LOC128462377: variants seen among roughly 807,000 people sequenced by gnomAD.
chr16:89,394,006 C>G, the LOC128462377 span, among the ~76,000 whole-genome samples: 1 of 152,170 alleles, frequency 6.6e-6, no homozygotes, highest in Admixed American at 6.5e-5. Flanking sequence ...AGTGGGTTCC[C>G]AGACCCCAGT....
the LOC128462377 span, among the ~76,000 whole-genome samples, chr16:89,361,292 T>C: frequency 6.6e-6 from 1 of 152,206 alleles, no homozygotes; most frequent in African/African-American, 2.4e-5. Context: ...CAGGCCTTCC[T>C]TGGCCTCAGC....
At chr16:89,375,319 T>C in the LOC128462377 span, among the ~76,000 whole-genome samples, 3 of 152,206 alleles carry the variant, frequency 2.0e-5, no homozygotes, top group African/African-American at 7.2e-5. Context: ...CTAGTTGCGG[T>C]AGCATGGGCC....
chr16:89,330,060 C>G, the LOC128462377 span, among the ~76,000 whole-genome samples: 1 of 151,060 alleles, frequency 6.6e-6, no homozygotes, highest in Non-Finnish European at 1.5e-5. Context: ...TTTATGTATT[C>G]ACATTAAATA....
At chr16:89,343,244 C>G in the LOC128462377 span, among the ~76,000 whole-genome samples, 1 of 152,190 alleles carries the variant, frequency 6.6e-6, no homozygotes, top group Non-Finnish European at 1.5e-5. Context: ...CCACCCAGCT[C>G]GGCCTCCCGA....
At chr16:89,319,405 C>T in the LOC128462377 span, among the ~76,000 whole-genome samples, 1 of 152,256 alleles carries the variant, frequency 6.6e-6, no homozygotes, top group Non-Finnish European at 1.5e-5. Context: ...AGGCAAAATA[C>T]TTTTCACGGC....
the LOC128462377 span, among the ~76,000 whole-genome samples, chr16:89,356,755 T>C: frequency 7.8e-6 from 1 of 128,912 alleles, no homozygotes; most frequent in African/African-American, 3.0e-5. Context: ...CACTCTAGCC[T>C]GGGCGACACA....
the LOC128462377 span, among the ~76,000 whole-genome samples, chr16:89,346,758 T>C: frequency 6.6e-6 from 1 of 152,238 alleles, no homozygotes; most frequent in Non-Finnish European, 1.5e-5. Flanking sequence ...AATGTATTTA[T>C]ATTTATCGCT....
At chr16:89,354,708 CACGTCTCTACTAAAAATACAGAAATTA>C in the LOC128462377 span, among the ~76,000 whole-genome samples, 1 of 152,160 alleles carries the variant, frequency 6.6e-6, no homozygotes, top group Non-Finnish European at 1.5e-5. Context: ...ACGGTGAAAC[CACGTCTCTACTAAAAATACAGAAATTA>C]GCCGGGCATG....
At chr16:89,376,676 C>T in the LOC128462377 span, among the ~76,000 whole-genome samples, 2 of 152,134 alleles carry the variant, frequency 1.3e-5, no homozygotes, top group African/African-American at 4.8e-5. Flanking sequence ...TGACCTCAAG[C>T]GATCCACCCA....
At chr16:89,408,089 CAT>C in the LOC128462377 span, among the ~76,000 whole-genome samples, 1 of 152,192 alleles carries the variant, frequency 6.6e-6, no homozygotes, top group Admixed American at 6.5e-5. Context: ...AGCCACTGCA[CAT>C]GTGTGACCAC....
the LOC128462377 span, among the ~76,000 whole-genome samples, chr16:89,401,888 ACCAGAGACTCCCCCAT>A: frequency 6.7e-6 from 1 of 150,152 alleles, no homozygotes; most frequent in East Asian, 2.0e-4. Context: ...CGCCGGGCAC[ACCAGAGACTCCCCCAT>A]CCCCCAGAAC....
the LOC128462377 span, among the ~76,000 whole-genome samples, chr16:89,369,336 A>G: frequency 1.3e-5 from 2 of 152,222 alleles, no homozygotes; most frequent in African/African-American, 4.8e-5. Context: ...AGGGCCAAAC[A>G]GAGACCATTC....
chr16:89,370,963 G>A, the LOC128462377 span, among the ~76,000 whole-genome samples: 1 of 152,122 alleles, frequency 6.6e-6, no homozygotes, highest in South Asian at 2.1e-4. Context: ...CGGACACCAC[G>A]AGACAACCCT....
chr16:89,323,317 C>A, the LOC128462377 span: 1 of 1,288,990 alleles, frequency 7.8e-7, no homozygotes. Context: ...TGACCCACAG[C>A]ACTGTGGCAA....
the LOC128462377 span, among the ~76,000 whole-genome samples, chr16:89,409,996 C>T: frequency 9.9e-5 from 15 of 152,086 alleles, no homozygotes; most frequent in East Asian, 1.9e-4. Flanking sequence ...CCCGCCACCA[C>T]GCCCGGCTAA....
chr16:89,357,533 G>T, the LOC128462377 span, among the ~76,000 whole-genome samples: 12 of 152,156 alleles, frequency 7.9e-5, no homozygotes, highest in Non-Finnish European at 1.8e-4. Flanking sequence ...ATATACAAAA[G>T]AACTGAAAGC....
chr16:89,384,443 G>C, the LOC128462377 span, among the ~76,000 whole-genome samples: 4 of 152,026 alleles, frequency 2.6e-5, no homozygotes, highest in Non-Finnish European at 5.9e-5. Flanking sequence ...AGGCAGAGCA[G>C]AACGGGATGG....
the LOC128462377 span, among the ~76,000 whole-genome samples, chr16:89,378,743 C>G: frequency 6.6e-6 from 1 of 152,140 alleles, no homozygotes; most frequent in Non-Finnish European, 1.5e-5. Context: ...CCATGCCTGG[C>G]TAATTTTTTG....
At chr16:89,417,325 C>G in the LOC128462377 span, among the ~76,000 whole-genome samples, 1 of 152,300 alleles carries the variant, frequency 6.6e-6, no homozygotes, top group East Asian at 1.9e-4. Flanking sequence ...ACTTTAAAAC[C>G]ATGACTCACA....
Sources: allele counts gnomAD v4.1 joint callset (sites outside exome capture counted in the v4.1 genomes callset), GRCh38; gene constraint gnomAD v4.1.1; transcripts MANE v1.5.